Variants in FAM110B observed in about 807,000 individuals in gnomAD.
FAM110B encodes protein FAM110B.
FAM110B carries 6 observed loss-of-function variants against 20.4 expected under a neutral mutation model. The ratio of observed to expected loss-of-function variants is 0.29; its 90% CI spans 0.16 to 0.58. The LOEUF (loss-of-function observed/expected upper bound fraction) is 0.58. FAM110B is among the 20% of genes least tolerant of loss of function. FAM110B has a pLI of 0.90. For synonymous variants in FAM110B, 226 were observed against 214.1 expected (o/e 1.06, Z -0.49); for missense variants, 434 against 498.2 (o/e 0.87, Z 1.23).
At chr8:58,013,333 G>A (rs964957012) in intron 1 of FAM110B, among the ~76,000 whole-genome samples, 10 of 152,274 alleles carry the variant, frequency 6.6e-5, no homozygotes, top group African/African-American at 1.9e-4. Context: ...TCCCCATGGC[G>A]GTCTTTGGGC....
At chr8:58,099,511 A>G (rs566928024) in intron 3 of FAM110B, among the ~76,000 whole-genome samples, 1 of 152,362 alleles carries the variant, frequency 6.6e-6, no homozygotes, top group African/African-American at 2.4e-5. Context: ...ATTTCAGTAT[A>G]TAAATAAATT....
intron 3 of FAM110B, chr8:58,113,553 GA>G: frequency 5.5e-6 from 1 of 180,252 alleles, no homozygotes; most frequent in Middle Eastern, 1.3e-3. Flanking sequence ...TGCGAATGTG[GA>G]AAGGTGCCTT....
At chr8:58,045,303 C>T (rs188793840) in intron 2 of FAM110B, among the ~76,000 whole-genome samples, 5 of 152,288 alleles carry the variant, frequency 3.3e-5, no homozygotes, top group African/African-American at 9.6e-5. Context: ...GCTACTGTGT[C>T]GCTCTTCATT....
At chr8:58,122,852 C>T (rs538069624) in intron 3 of FAM110B, among the ~76,000 whole-genome samples, 2 of 152,094 alleles carry the variant, frequency 1.3e-5, no homozygotes, top group Non-Finnish European at 2.9e-5. Flanking sequence ...AAACTCAGAG[C>T]GGAATCTCAG....
At chr8:58,100,083 C>A (rs1045989780) in intron 3 of FAM110B, among the ~76,000 whole-genome samples, 1 of 152,194 alleles carries the variant, frequency 6.6e-6, no homozygotes, top group Non-Finnish European at 1.5e-5. Context: ...CTGTCCCTTT[C>A]TTTTCTCTTG....
In FAM110B at chr8:58,034,553, T is replaced by C. The variant is rs374271110; in HGVS notation, c.-414+2850T>C. Among the ~76,000 whole-genome samples the C allele has an allele frequency of 8.5e-5, 13 of 152,310 alleles. No individual in the cohort carries two copies. The East Asian group carries it at 1.5e-3, about 18-fold the overall frequency. ...AGGACCTGGACTCTGCCATGTGCAATAGGTACAGCCCTGGGAAAGCTGTTT... is the reference window on the plus strand; with the variant it reads ...AGGACCTGGACTCTGCCATGTGCAACAGGTACAGCCCTGGGAAAGCTGTTT... On this transcript the variant is annotated intron_variant, in intron 2 of 3. Coordinates refer to ENST00000519262, the MANE Select transcript of FAM110B (RefSeq NM_001377989.1).
intron 1 of FAM110B, among the ~76,000 whole-genome samples, chr8:58,024,854 G>GT (rs765153062): frequency 1.2e-4 from 19 of 152,202 alleles, no homozygotes; most frequent in Non-Finnish European, 5.9e-5. Flanking sequence ...GCCAAAGAGA[G>GT]TATATTAGCT....
intron 2 of FAM110B, among the ~76,000 whole-genome samples, chr8:58,038,216 T>G (rs1314877275): frequency 1.3e-5 from 2 of 152,188 alleles, no homozygotes; most frequent in African/African-American, 4.8e-5. Context: ...AGGTACTGCT[T>G]ACTCTAAATT....
intron 3 of FAM110B, among the ~76,000 whole-genome samples, chr8:58,104,331 C>T (rs557839241): frequency 2.6e-5 from 4 of 152,168 alleles, no homozygotes; most frequent in Non-Finnish European, 5.9e-5. Context: ...AGCTAAGATC[C>T]CAAGACAAAG....
At chr8:58,039,026 A>G (rs541944240) in intron 2 of FAM110B, among the ~76,000 whole-genome samples, 10 of 152,320 alleles carry the variant, frequency 6.6e-5, no homozygotes, top group Admixed American at 1.3e-4. Flanking sequence ...ATCTGATCCC[A>G]TATTTCTTTA....
At chr8:58,027,315 G>T (rs183680846) in intron 1 of FAM110B, among the ~76,000 whole-genome samples, 1 of 151,958 alleles carries the variant, frequency 6.6e-6, no homozygotes, top group Non-Finnish European at 1.5e-5. Flanking sequence ...AGCCATCATT[G>T]ATTGCTATAA....
At chr8:58,088,286 T>C (rs1163515730) in intron 3 of FAM110B, among the ~76,000 whole-genome samples, 1 of 152,178 alleles carries the variant, frequency 6.6e-6, no homozygotes, top group Admixed American at 6.5e-5. Flanking sequence ...ATTCAGTGAG[T>C]CTTCCCTCTT....
At chr8:58,076,410 A>G (rs1292654792) in intron 3 of FAM110B, among the ~76,000 whole-genome samples, 1 of 152,172 alleles carries the variant, frequency 6.6e-6, no homozygotes, top group East Asian at 1.9e-4. Flanking sequence ...CAGTCCAGGA[A>G]CTGAGACTGA....
chr8:58,047,831 A>G (rs1016836004), intron 2 of FAM110B, among the ~76,000 whole-genome samples: 1 of 152,132 alleles, frequency 6.6e-6, no homozygotes, highest in Non-Finnish European at 1.5e-5. Context: ...GCTTTAAAAA[A>G]TAGCTTCTTT....
At chr8:58,115,845 T>C (rs1807195617) in intron 3 of FAM110B, among the ~76,000 whole-genome samples, 1 of 152,162 alleles carries the variant, frequency 6.6e-6, no homozygotes, top group South Asian at 2.1e-4. Context: ...TTATTCCTGA[T>C]AAAAAGTAGT....
At chr8:58,134,404 T>C (rs1226066145) in intron 3 of FAM110B, among the ~76,000 whole-genome samples, 3 of 152,226 alleles carry the variant, frequency 2.0e-5, no homozygotes. Context: ...TGCCTTATAT[T>C]GGAGATTACT....
At chr8:58,093,823 A>G (rs1486527084) in intron 3 of FAM110B, among the ~76,000 whole-genome samples, 1 of 152,078 alleles carries the variant, frequency 6.6e-6, no homozygotes, top group African/African-American at 2.4e-5. Context: ...CATTGAATCT[A>G]TAAGTTACTT....
intron 3 of FAM110B, among the ~76,000 whole-genome samples, chr8:58,136,801 G>A (rs761222492): frequency 2.0e-5 from 3 of 152,188 alleles, no homozygotes; most frequent in Non-Finnish European, 2.9e-5. Context: ...TAAATAGGAC[G>A]AAAACATTTT....
chr8:58,027,696 G>A (rs542631743), intron 1 of FAM110B, among the ~76,000 whole-genome samples: 6 of 152,252 alleles, frequency 3.9e-5, no homozygotes, highest in South Asian at 4.2e-4. Flanking sequence ...GCGATCATAC[G>A]TGTAGTCTTT....
Sources: allele counts gnomAD v4.1 joint callset (sites outside exome capture counted in the v4.1 genomes callset), GRCh38; gene constraint gnomAD v4.1.1; transcripts MANE v1.5; gene names NCBI Gene and HGNC (gene_info 2026-07-23, HGNC 2026-07-21).